NOD1: variants seen among roughly 807,000 people sequenced by gnomAD.
NOD1 encodes nucleotide binding oligomerization domain containing 1, also known as nucleotide-binding oligomerization domain-containing protein 1.
Under a neutral mutation model 81.2 loss-of-function variants are expected in NOD1, and 70 were observed. The ratio of observed to expected loss-of-function variants is 0.86; its 90% confidence interval spans 0.71 to 1.05. The LOEUF (loss-of-function observed/expected upper bound fraction) is 1.05, where lower values mean the gene tolerates loss of function less well. Among genes scored for constraint, NOD1 ranks in the 50% least tolerant of loss-of-function variants. The probability of loss-of-function intolerance (pLI) is 0.00; values close to 1 mark genes in which losing one functional copy is unlikely to be tolerated. For missense variants in NOD1, 1,233 were observed against 1,228.0 expected (o/e 1.00, Z -0.06); for synonymous variants, 508 against 526.9 (o/e 0.96, Z 0.49).
In NOD1 at chr7:30,452,338, T is replaced by C. The variant is rs941110463; in HGVS notation, c.1079A>G (p.Tyr360Cys). Residue 360 changes from tyrosine (Y) to cysteine (C), a missense_variant, in exon 6 of 14, where the codon TAT (tyrosine) becomes TGT (cysteine). Physicochemically the swap from Tyr to Cys is radical, Grantham distance 194. Coordinates refer to ENST00000222823, the MANE Select transcript of NOD1 (RefSeq NM_006092.4). ...RGFSPSHLRA[Y>C]ARRMFPERAL... ...CCGCTCGGGGAACATCCTCCTGGCA[T>C]AGGCGCGCAGGTGGCTGGGGGAGAA... 1.5e-5 allele frequency: 24 copies of C among 1,613,362 alleles called. No individual in the cohort carries two copies. The highest frequency in any genetic ancestry group is 2.0e-5 in the Non-Finnish European group (24 of 1,179,992).
chr7:30,450,315 T>A (rs1785556843), intron 6 of NOD1, among the ~76,000 whole-genome samples: 1 of 152,140 alleles, frequency 6.6e-6, no homozygotes, highest in Non-Finnish European at 1.5e-5. Flanking sequence ...ATTCCCAGGC[T>A]AGGGCAGCCT....
At chr7:30,439,933 A>T (rs1236758566) in intron 9 of NOD1, among the ~76,000 whole-genome samples, 1 of 23,174 alleles carries the variant, frequency 4.3e-5, no homozygotes, top group African/African-American at 1.5e-4. Context: ...TGCCTCCTCA[A>T]GTGGGTCCCT....
At position 30,448,508 on chromosome 7, in the gene NOD1, T is replaced by C. The variant is rs1214540801; in HGVS notation, c.2202-127A>G. ...CTCAGGTATAGACGCCCCTGGAGAA[T>C]GGCCACAGCAATCAGCCAAATAGCC... is the stretch of plus-strand genomic sequence containing the variant. On this transcript the variant is annotated intron_variant, in intron 6 of 13. Coordinates refer to ENST00000222823, the MANE Select transcript of NOD1 (RefSeq NM_006092.4). 5.2e-6 allele frequency: 4 copies of C among 774,868 alleles called. No individual in the cohort carries two copies. In the Admixed American group the frequency reaches 6.7e-5, roughly 13 times the overall value. The allele number at this position is 774,868 out of a possible 1,614,324, so 48.0% of individuals were successfully genotyped here. A position where few individuals can be genotyped will look rare whatever the true frequency, so the allele number is the denominator to read the frequency against.
intron 1 of NOD1, among the ~76,000 whole-genome samples, chr7:30,477,110 T>C (rs1316652996): frequency 6.6e-6 from 1 of 152,180 alleles, no homozygotes; most frequent in Admixed American, 6.5e-5. Context: ...AGTCACAGCA[T>C]AGAAGTGACA....
intron 12 of NOD1, among the ~76,000 whole-genome samples, chr7:30,432,045 C>T (rs1783998145): frequency 6.6e-6 from 1 of 152,104 alleles, no homozygotes; most frequent in Non-Finnish European, 1.5e-5. Flanking sequence ...GTGGAGGTTG[C>T]AGAGAGCTGA....
chr7:30,458,142 A>T (rs1786586402), intron 3 of NOD1, among the ~76,000 whole-genome samples: 1 of 152,174 alleles, frequency 6.6e-6, no homozygotes, highest in East Asian at 1.9e-4. Context: ...TGGGCATTAA[A>T]AAACATTTGG....
chr7:30,437,365 A>G (rs5743359), intron 10 of NOD1, among the ~76,000 whole-genome samples: 2,216 of 152,300 alleles, frequency 0.015, 30 homozygotes, highest in Non-Finnish European at 0.022. Flanking sequence ...CATCTTCTAC[A>G]TGTATCCCAG....
In NOD1 at chr7:30,425,688, G is replaced by T. The variant is rs1375367389; in HGVS notation, c.2812C>A (p.Pro938Thr). 25 of 1,613,396 alleles carry T rather than the reference G, an allele frequency of 1.5e-5. No homozygotes were observed. The highest frequency in any genetic ancestry group is 2.1e-5 in the Non-Finnish European group (25 of 1,179,356). ...TCTTCATAGACTTTGGCCTCCTCTG[G>T]TTTTATCAGGTTTCCATTTAGGCTG... is the stretch of plus-strand genomic sequence containing the variant. Reference protein sequence around the residue: ...EICLNGNLIKPEEAKVYEDEK... With the variant: ...EICLNGNLIKTEEAKVYEDEK... The change falls in exon 14 of 14, where the codon CCA becomes ACA. Residue 938 changes from proline (P) to threonine (T), a missense_variant. By Grantham distance (38) the Pro-to-Thr change is conservative. Transcript: ENST00000222823.
intron 6 of NOD1, among the ~76,000 whole-genome samples, chr7:30,448,724 G>A (rs1460895885): frequency 6.6e-6 from 1 of 152,196 alleles, no homozygotes; most frequent in Non-Finnish European, 1.5e-5. Flanking sequence ...CCTGGTTCTC[G>A]TATGGTGGAG....
rs377563021 is a variant in NOD1 at position 30,451,921 on chromosome 7, C to T, written c.1496G>A (p.Arg499Gln). ...QERDMQLGFL[R>Q]ALPELGPGGD... Reference sequence around the variant, plus strand: ...CCCGGGGCCCAGCTCCGGCAAAGCCCGCAGGAAGCCCAGCTGCATGTCTCT... The same window carrying T: ...CCCGGGGCCCAGCTCCGGCAAAGCCTGCAGGAAGCCCAGCTGCATGTCTCT... Residue 499 changes from arginine (R) to glutamine (Q), a missense_variant, in exon 6 of 14, where the codon CGG becomes CAG. Coordinates refer to ENST00000222823, the MANE Select transcript of NOD1 (RefSeq NM_006092.4). This position sits in a 1 kb window ranked among gnomAD's most constrained non-coding sequence, Gnocchi z 4.2. 32 of 1,613,428 alleles carry T rather than the reference C, an allele frequency of 2.0e-5. No individual in the cohort carries two copies. The East Asian group carries it at 5.6e-4, about 28-fold the overall frequency.
At chr7:30,471,062 T>TA (rs1788226471) in intron 1 of NOD1, among the ~76,000 whole-genome samples, 1 of 148,570 alleles carries the variant, frequency 6.7e-6, no homozygotes, top group African/African-American at 2.6e-5. Context: ...CCACAGCAAA[T>TA]AAACACTCTG....
At chr7:30,476,428 G>A (rs950440183) in intron 1 of NOD1, among the ~76,000 whole-genome samples, 2 of 152,216 alleles carry the variant, frequency 1.3e-5, no homozygotes, top group African/African-American at 4.8e-5. Flanking sequence ...AGCAATTGTA[G>A]AATTTGGGTT....
At chr7:30,426,297 G>T (rs1179733307) in intron 13 of NOD1, among the ~76,000 whole-genome samples, 1 of 151,980 alleles carries the variant, frequency 6.6e-6, no homozygotes, top group Non-Finnish European at 1.5e-5. Context: ...GGGTCCCCTG[G>T]CTTAGTGAAT....
At chr7:30,432,580 A>C (rs781549050) in intron 12 of NOD1, among the ~76,000 whole-genome samples, 28 of 152,256 alleles carry the variant, frequency 1.8e-4, no homozygotes, top group Non-Finnish European at 3.7e-4. Flanking sequence ...CAGAAATTCT[A>C]TTCCCAGGTA....
At chr7:30,474,603 G>A (rs763626520) in intron 1 of NOD1, among the ~76,000 whole-genome samples, 4 of 152,214 alleles carry the variant, frequency 2.6e-5, no homozygotes, top group South Asian at 2.1e-4. Context: ...GGTTCCCCTC[G>A]CATGAGAATC....
At chr7:30,450,955 ATCT>A (rs1409307731) in intron 6 of NOD1, among the ~76,000 whole-genome samples, 1 of 152,218 alleles carries the variant, frequency 6.6e-6, no homozygotes, top group Non-Finnish European at 1.5e-5. Flanking sequence ...GATTATGAGC[ATCT>A]TCTTTTTCCA....
chr7:30,435,308 G>C (rs1784288644), intron 11 of NOD1, among the ~76,000 whole-genome samples: 1 of 152,158 alleles, frequency 6.6e-6, no homozygotes, highest in South Asian at 2.1e-4. Flanking sequence ...GAAGGAGGAG[G>C]CTGCCTGGGG....
intron 8 of NOD1, chr7:30,446,725 T>C: frequency 2.0e-6 from 1 of 504,372 alleles, no homozygotes; most frequent in South Asian, 2.6e-5. Flanking sequence ...GAGTTAGTCC[T>C]TTCTTCGGCC....
At chr7:30,431,229 C>A (rs1037437577) in intron 12 of NOD1, among the ~76,000 whole-genome samples, 4 of 151,892 alleles carry the variant, frequency 2.6e-5, no homozygotes, top group Non-Finnish European at 4.4e-5. Context: ...GGAATGGGAT[C>A]AAATAATTCT....
Sources: allele counts gnomAD v4.1 joint callset (sites outside exome capture counted in the v4.1 genomes callset), GRCh38; gene constraint gnomAD v4.1.1; non-coding constraint Gnocchi (gnomAD v3.1); transcripts MANE v1.5; gene names NCBI Gene and HGNC (gene_info 2026-07-23, HGNC 2026-07-21).